The following BAZ1A variants were observed in gnomAD, a reference collection of about 807,000 sequenced individuals.
BAZ1A encodes the protein bromodomain adjacent to zinc finger domain 1A.
Under a neutral mutation model 185.2 loss-of-function variants are expected in BAZ1A, and 50 were observed. The ratio of observed to expected loss-of-function variants is 0.27; its 90% CI spans 0.22 to 0.34. The LOEUF is 0.34. BAZ1A is among the 10% of genes least tolerant of loss of function. The pLI is 1.00. For synonymous variants in BAZ1A, 571 were observed against 615.6 expected (o/e 0.93, Z 1.07); for missense variants, 1,356 against 1,839.9 (o/e 0.74, Z 4.81).
At chr14:34,855,652 G>GAA (rs1364088244) in intron 3 of BAZ1A, among the ~76,000 whole-genome samples, 1 of 152,114 alleles carries the variant, frequency 6.6e-6, no homozygotes, top group Non-Finnish European at 1.5e-5. Flanking sequence ...CAACATTTTG[G>GAA]AAAACCAAGG....
Position 34,753,380 on chromosome 14 carries a change from T to G in BAZ1A, c.*128A>C. On this transcript the variant is annotated 3_prime_UTR_variant, in exon 27 of 27. Transcript: ENST00000360310. ...TCTCCTGAGTGCTTAATATTAAAAT[T>G]GAGAATATAGTGCAGGCCACACTTT... 2.3e-6 allele frequency: 2 copies of G among 883,354 alleles called. No individual in the cohort carries two copies. Among genetic ancestry groups the G allele is most frequent in the Non-Finnish European group, 3.5e-6 (2 of 577,996 alleles). The allele number at this position is 883,354 out of a possible 1,614,324, so 54.7% of individuals were successfully genotyped here. A position where few individuals can be genotyped will look rare whatever the true frequency, so the allele number is the denominator to read the frequency against.
At chr14:34,849,748 TAG>T (rs2042569140) in intron 3 of BAZ1A, among the ~76,000 whole-genome samples, 1 of 152,182 alleles carries the variant, frequency 6.6e-6, no homozygotes, top group South Asian at 2.1e-4. Flanking sequence ...AACCCGCCAG[TAG>T]AGTTTTTTAA....
rs775395144 is a variant in BAZ1A, at chr14:34,874,495, T to C, written c.110A>G (p.Tyr37Cys). 6.2e-7 allele frequency: 1 copy of C among 1,611,138 alleles called. No individual in the cohort carries two copies. Residue 37 changes from tyrosine to cysteine, a missense_variant, in exon 2 of 27, where the codon TAC becomes TGC. By Grantham distance (194) the Tyr-to-Cys change is radical. Transcript: ENST00000360310. This position sits in a 1 kb window ranked among gnomAD's most constrained non-coding sequence, Gnocchi z 4.7. Reference protein sequence around the residue: ...CKVTNEIFRHYDDFFERTILC... With the variant: ...CKVTNEIFRHCDDFFERTILC... ...CCGCACACGGCCCGGCTCTTACTCG[T>C]AGTGGCGGAAGATCTCGTTGGTGAC... is the stretch of plus-strand genomic sequence containing the variant.
intron 14 of BAZ1A, 38 bp downstream of exon 14, chr14:34,785,739 G>A: frequency 6.4e-7 from 1 of 1,572,370 alleles, no homozygotes; most frequent in Non-Finnish European, 8.7e-7. Flanking sequence ...GAGGGAGGAA[G>A]TGGGCAGGTT....
At chr14:34,867,119 C>T (rs1358078859) in intron 2 of BAZ1A, among the ~76,000 whole-genome samples, 5 of 151,920 alleles carry the variant, frequency 3.3e-5, no homozygotes, top group African/African-American at 7.3e-5. Context: ...ATTAGCCAGG[C>T]GTGGTGGCAC....
chr14:34,782,236 T>C (rs539111244), intron 16 of BAZ1A, among the ~76,000 whole-genome samples: 31 of 152,294 alleles, frequency 2.0e-4, no homozygotes, highest in South Asian at 6.2e-4. Context: ...AACTTGTTAT[T>C]GTTTGTCAAT....
intron 24 of BAZ1A, among the ~76,000 whole-genome samples, chr14:34,759,184 T>TTTTTTTTTGTTTG (rs1886409806): frequency 9.3e-6 from 1 of 108,028 alleles, no homozygotes; most frequent in Non-Finnish European, 1.8e-5. Context: ...TTTTTTTTTT[T>TTTTTTTTTGTTTG]TTTTTTTTTT....
intron 12 of BAZ1A, among the ~76,000 whole-genome samples, chr14:34,787,423 G>A (rs1880550553): frequency 1.3e-5 from 2 of 151,528 alleles, no homozygotes; most frequent in Admixed American, 1.3e-4. Context: ...GGTGGCTCAT[G>A]CCTGTAATCC....
rs1002819628 is a variant in BAZ1A at position 34,826,788 on chromosome 14, G to A, written c.393-632C>T. ...TGCATTAAGGCAAAAGCAGATAGTC[G>A]CTAAAGTATTATTGCTAAGTGTGTC... On this transcript the variant is annotated intron_variant, in intron 3 of 26. Transcript: ENST00000360310. Among the ~76,000 whole-genome samples, 5 of 152,268 alleles carry A rather than the reference G, an allele frequency of 3.3e-5. No homozygotes were observed. In the East Asian group the frequency reaches 5.8e-4, roughly 18 times the overall value.
At chr14:34,796,191 C>T (rs1365790639) in intron 9 of BAZ1A, among the ~76,000 whole-genome samples, 4 of 151,188 alleles carry the variant, frequency 2.6e-5, no homozygotes, top group African/African-American at 7.3e-5. Context: ...CACACACACA[C>T]ATATATGCAT....
intron 3 of BAZ1A, among the ~76,000 whole-genome samples, chr14:34,832,205 C>CATATATATATATAT (rs2042254187): frequency 2.8e-5 from 2 of 70,754 alleles, no homozygotes; most frequent in South Asian, 6.2e-4. Flanking sequence ...CACACACACA[C>CATATATATATATAT]ACACACACAC....
chr14:34,769,450 G>A (rs1183517401), intron 21 of BAZ1A, among the ~76,000 whole-genome samples: 1 of 152,096 alleles, frequency 6.6e-6, no homozygotes, highest in Non-Finnish European at 1.5e-5. Context: ...TGAAATTAAT[G>A]TTTGAAAACC....
chr14:34,797,823 C>T (rs148567064), intron 9 of BAZ1A, among the ~76,000 whole-genome samples: 365 of 152,066 alleles, frequency 2.4e-3, no homozygotes, highest in African/African-American at 5.8e-3. Context: ...GAGGGCGAGC[C>T]GAAGCAGGGC....
At chr14:34,757,694 A>G (rs1201793252) in intron 25 of BAZ1A, among the ~76,000 whole-genome samples, 1 of 151,724 alleles carries the variant, frequency 6.6e-6, no homozygotes, top group Non-Finnish European at 1.5e-5. Context: ...CAAAAAAAGA[A>G]TCAGTCACAA....
At chr14:34,851,332 CAAAAAAAAAAAAAAAA>C (rs71435818) in intron 3 of BAZ1A, among the ~76,000 whole-genome samples, 901 of 43,456 alleles carry the variant, frequency 0.021, 20 homozygotes, top group African/African-American at 0.081. Flanking sequence ...GACCCTAGCT[CAAAAAAAAAAAAAAAA>C]AAAAAAAAAA....
chr14:34,849,922 T>G (rs934742550), intron 3 of BAZ1A, among the ~76,000 whole-genome samples: 1 of 152,222 alleles, frequency 6.6e-6, no homozygotes, highest in African/African-American at 2.4e-5. Context: ...TAGCAACTTA[T>G]TCTCTTTCAG....
At chr14:34,803,132 G>C (rs911661835) in intron 6 of BAZ1A, 144 bp from the exon 7 acceptor site, 5 of 870,190 alleles carry the variant, frequency 5.7e-6, no homozygotes, top group Non-Finnish European at 8.7e-6. Flanking sequence ...TGTAATCCCA[G>C]CACTTTGGGA....
At chr14:34,850,881 C>T (rs2042585949) in intron 3 of BAZ1A, among the ~76,000 whole-genome samples, 1 of 151,990 alleles carries the variant, frequency 6.6e-6, no homozygotes, top group South Asian at 2.1e-4. Context: ...TCCTTCCAGA[C>T]CCAAAGAACG....
intron 12 of BAZ1A, 37 bp downstream of exon 12, chr14:34,792,738 T>G: frequency 6.2e-7 from 1 of 1,600,046 alleles, no homozygotes; most frequent in African/African-American, 1.3e-5. Context: ...GCTACAAAAC[T>G]ACTATGGTTC....
Sources: allele counts gnomAD v4.1 joint callset (sites outside exome capture counted in the v4.1 genomes callset), GRCh38; gene constraint gnomAD v4.1.1; non-coding constraint Gnocchi (gnomAD v3.1); transcripts MANE v1.5; gene names NCBI Gene and HGNC (gene_info 2026-07-23, HGNC 2026-07-21).